Variants in CCDC73 observed in about 807,000 individuals in gnomAD.
The protein encoded by CCDC73 is coiled-coil domain containing 73.
Under a neutral mutation model 116.5 loss-of-function variants are expected in CCDC73, and 95 were observed. That is an observed-to-expected ratio of 0.82 (90% CI 0.69 to 0.97). The LOEUF (loss-of-function observed/expected upper bound fraction) is 0.97, where lower values mean the gene tolerates loss of function less well. Ranked by LOEUF, CCDC73 falls within the 50% of genes least tolerant of loss-of-function variation. The pLI is 0.00. For missense variants in CCDC73, 1,066 were observed against 1,206.8 expected (o/e 0.88, Z 1.73); for synonymous variants, 398 against 401.3 (o/e 0.99, Z 0.10).
intron 2 of CCDC73, among the ~76,000 whole-genome samples, chr11:32,731,233 C>A (rs1226360588): frequency 6.6e-6 from 1 of 152,126 alleles, no homozygotes; most frequent in African/African-American, 2.4e-5. Context: ...GGGAGAGGCG[C>A]CCACCACTGC....
At chr11:32,608,490 C>A (rs1430827913) in intron 17 of CCDC73, among the ~76,000 whole-genome samples, 1 of 152,186 alleles carries the variant, frequency 6.6e-6, no homozygotes, top group Non-Finnish European at 1.5e-5. Context: ...GCTCCACACC[C>A]CTGTGGCTTT....
intron 9 of CCDC73, among the ~76,000 whole-genome samples, chr11:32,668,299 T>C (rs1856006403): frequency 6.6e-6 from 1 of 152,180 alleles, no homozygotes; most frequent in African/African-American, 2.4e-5. Flanking sequence ...AATTATCTCA[T>C]AGCCGGTAAC....
the CCDC73 span, among the ~76,000 whole-genome samples, chr11:32,816,173 G>T: frequency 5.9e-5 from 9 of 152,268 alleles, no homozygotes; most frequent in South Asian, 1.9e-3. Context: ...ATCAAGTATA[G>T]ATATATTAAC....
At chr11:32,727,987 C>T (rs2133341830) in intron 2 of CCDC73, among the ~76,000 whole-genome samples, 1 of 152,204 alleles carries the variant, frequency 6.6e-6, no homozygotes, top group South Asian at 2.1e-4. Flanking sequence ...TGTGGTGGCT[C>T]ACGCCTGTAA....
At chr11:32,635,338 T>G (rs1236286490) in intron 14 of CCDC73, among the ~76,000 whole-genome samples, 1 of 152,160 alleles carries the variant, frequency 6.6e-6, no homozygotes, top group African/African-American at 2.4e-5. Flanking sequence ...ATAAAGACAG[T>G]GTTGTACTGG....
intron 1 of CCDC73, among the ~76,000 whole-genome samples, chr11:32,770,371 G>A (rs999131408): frequency 2.6e-5 from 4 of 152,118 alleles, no homozygotes; most frequent in Admixed American, 6.6e-5. Flanking sequence ...ATTCAAAGGG[G>A]TGAAGAAATT....
chr11:32,774,462 G>T (rs1850515546), intron 1 of CCDC73, among the ~76,000 whole-genome samples: 1 of 152,076 alleles, frequency 6.6e-6, no homozygotes, highest in African/African-American at 2.4e-5. Context: ...AATCTATTAT[G>T]TTTAATTTAA....
chr11:32,640,407 GT>G (rs879679643), intron 13 of CCDC73, among the ~76,000 whole-genome samples: 9 of 151,326 alleles, frequency 5.9e-5, no homozygotes, highest in Non-Finnish European at 1.2e-4. Context: ...GATCTTTTTG[GT>G]TTTTTTTGCA....
At chr11:32,812,753 G>A in the CCDC73 span, among the ~76,000 whole-genome samples, 1 of 151,400 alleles carries the variant, frequency 6.6e-6, no homozygotes, top group Non-Finnish European at 1.5e-5. Context: ...TGGGAGGATT[G>A]CCTGAGCCTG....
At chr11:32,606,948 T>G (rs985906983) in intron 17 of CCDC73, among the ~76,000 whole-genome samples, 1 of 151,472 alleles carries the variant, frequency 6.6e-6, no homozygotes, top group Non-Finnish European at 1.5e-5. Context: ...GGACAGTTTT[T>G]GTATTTTTAG....
intron 1 of CCDC73, among the ~76,000 whole-genome samples, chr11:32,763,671 G>A (rs1396074901): frequency 6.6e-6 from 1 of 152,218 alleles, no homozygotes; most frequent in African/African-American, 2.4e-5. Flanking sequence ...GAAAAAAACA[G>A]AGAAGAAAAG....
intron 1 of CCDC73, among the ~76,000 whole-genome samples, chr11:32,782,155 T>C (rs762081030): frequency 6.6e-6 from 1 of 152,208 alleles, no homozygotes; most frequent in Non-Finnish European, 1.5e-5. Context: ...GACAGCATAG[T>C]TGCAGGAAAA....
At chr11:32,764,009 A>T (rs910573339) in intron 1 of CCDC73, among the ~76,000 whole-genome samples, 2 of 152,254 alleles carry the variant, frequency 1.3e-5, no homozygotes, top group African/African-American at 4.8e-5. Context: ...AACAAAGGGT[A>T]TCAGTGATTG....
intron 6 of CCDC73, among the ~76,000 whole-genome samples, chr11:32,684,900 G>A (rs1856180294): frequency 6.6e-6 from 1 of 152,078 alleles, no homozygotes; most frequent in South Asian, 2.1e-4. Flanking sequence ...ATGACTGCTT[G>A]AGCCCGGGGG....
chr11:32,760,393 C>A (rs1477772236), intron 1 of CCDC73, 135 bp from the exon 2 acceptor site: 3 of 558,228 alleles, frequency 5.4e-6, no homozygotes, highest in South Asian at 5.2e-5. Flanking sequence ...TGTGTCATCA[C>A]TCCACTCTAA....
intron 14 of CCDC73, among the ~76,000 whole-genome samples, chr11:32,631,415 G>A (rs189636444): frequency 2.0e-5 from 3 of 152,186 alleles, no homozygotes; most frequent in Admixed American, 1.3e-4. Flanking sequence ...AATTAAATTC[G>A]AAATCATTAA....
intron 9 of CCDC73, among the ~76,000 whole-genome samples, chr11:32,656,414 G>A (rs1360421247): frequency 6.6e-6 from 1 of 152,122 alleles, no homozygotes; most frequent in Non-Finnish European, 1.5e-5. Context: ...CTGCCTACCA[G>A]AGAAGCAAAG....
intron 16 of CCDC73, among the ~76,000 whole-genome samples, chr11:32,612,404 T>G (rs964507497): frequency 2.0e-5 from 3 of 151,882 alleles, no homozygotes; most frequent in African/African-American, 7.3e-5. Flanking sequence ...CAATTTATAT[T>G]TATACAGCAC....
chr11:32,823,651 A>C, the CCDC73 span, among the ~76,000 whole-genome samples: 3 of 152,110 alleles, frequency 2.0e-5, no homozygotes, highest in African/African-American at 7.2e-5. Context: ...AGAAGTTCTG[A>C]TAACAGAAAA....
Sources: allele counts gnomAD v4.1 joint callset (sites outside exome capture counted in the v4.1 genomes callset), GRCh38; gene constraint gnomAD v4.1.1; transcripts MANE v1.5; gene names NCBI Gene and HGNC (gene_info 2026-07-23, HGNC 2026-07-21).